Variants in LRBA observed in about 807,000 individuals in gnomAD.
LRBA encodes lipopolysaccharide-responsive and beige-like anchor protein.
A neutral mutation model predicts 330.0 loss-of-function variants in LRBA; 176 were observed. The ratio of observed to expected loss-of-function variants is 0.53; its 90% CI spans 0.47 to 0.60. The LOEUF (loss-of-function observed/expected upper bound fraction) is 0.60, where lower values mean the gene tolerates loss of function less well. LRBA is among the 20% of genes least tolerant of loss of function. The pLI is 0.00. For missense variants in LRBA, 3,259 were observed against 3,444.8 expected (o/e 0.95, Z 1.35); for synonymous variants, 1,230 against 1,193.0 (o/e 1.03, Z -0.64).
chr4:150,594,668 T>C (rs996337500), intron 38 of LRBA, among the ~76,000 whole-genome samples: 7 of 152,094 alleles, frequency 4.6e-5, no homozygotes, highest in Non-Finnish European at 8.8e-5. Flanking sequence ...CCTAACTTAA[T>C]ACTTAAACTG....
chr4:150,991,712 G>A (rs564324416), intron 2 of LRBA, among the ~76,000 whole-genome samples: 1 of 152,102 alleles, frequency 6.6e-6, no homozygotes, highest in East Asian at 1.9e-4. Context: ...TGAGGTGGGG[G>A]AAATATCTCA....
chr4:150,325,004 C>A (rs1217632589), intron 49 of LRBA, among the ~76,000 whole-genome samples: 1 of 152,038 alleles, frequency 6.6e-6, no homozygotes, highest in Non-Finnish European at 1.5e-5. Context: ...TATTTCCGTA[C>A]CCATGATTCT....
At position 150,852,447 on chromosome 4, in the gene LRBA, T is replaced by C. The variant is rs1387505849; in HGVS notation, c.3263A>G (p.Glu1088Gly). The change falls in exon 23 of 57, where the codon GAG becomes GGG. Residue 1088 changes from glutamate to glycine, a missense_variant. Transcript: ENST00000651943. ...GAATTCTGGCATCTCTGAGGCATCCTCTTCTGAAGGAGAACTTATAGAAGC... is the reference window on the plus strand; with the variant it reads ...GAATTCTGGCATCTCTGAGGCATCCCCTTCTGAAGGAGAACTTATAGAAGC... ...VTASISSPSE[E>G]DASEMPEFLD... The C allele has an allele frequency of 5.0e-6, 8 of 1,613,476 alleles. No homozygotes were observed. In the Admixed American group the frequency reaches 1.2e-4, roughly 24 times the overall value.
chr4:151,005,720 T>G (rs1360685416), intron 2 of LRBA, among the ~76,000 whole-genome samples: 1 of 148,072 alleles, frequency 6.8e-6, no homozygotes, highest in Non-Finnish European at 1.5e-5. Context: ...TTCTCCTACC[T>G]CAGCCTCCCT....
chr4:150,410,644 A>T (rs1218021888), intron 47 of LRBA, among the ~76,000 whole-genome samples: 1 of 152,182 alleles, frequency 6.6e-6, no homozygotes, highest in Non-Finnish European at 1.5e-5. Flanking sequence ...TCAACAAGGT[A>T]TCAAAGAGAA....
intron 34 of LRBA, among the ~76,000 whole-genome samples, chr4:150,771,325 G>A (rs9884732): frequency 0.087 from 13,232 of 152,084 alleles, 995 homozygotes; most frequent in African/African-American, 0.19. Flanking sequence ...GGAAAACCTT[G>A]TCCCAGCCAT....
chr4:150,328,710 G>A (rs1203832461), intron 48 of LRBA, among the ~76,000 whole-genome samples: 1 of 152,060 alleles, frequency 6.6e-6, no homozygotes, highest in African/African-American at 2.4e-5. Context: ...GTACAAATGA[G>A]GAAGTAATGA....
chr4:150,552,568 C>T (rs544860887), intron 40 of LRBA, among the ~76,000 whole-genome samples: 2 of 152,106 alleles, frequency 1.3e-5, no homozygotes. Flanking sequence ...ACTAGTTCAA[C>T]CACTGTGGAA....
intron 31 of LRBA, among the ~76,000 whole-genome samples, chr4:150,816,229 C>G (rs1359240586): frequency 6.6e-6 from 1 of 151,940 alleles, no homozygotes; most frequent in Non-Finnish European, 1.5e-5. Context: ...ATATAATCCA[C>G]CAGGCCATTC....
intron 55 of LRBA, among the ~76,000 whole-genome samples, chr4:150,279,785 T>C (rs1233016970): frequency 2.6e-5 from 4 of 152,208 alleles, no homozygotes; most frequent in Non-Finnish European, 5.9e-5. Flanking sequence ...AAAATCAGTA[T>C]CCTTTTCCCC....
chr4:150,737,983 CTTTTTTTTTTT>C (rs774453122), intron 35 of LRBA, among the ~76,000 whole-genome samples: 5 of 112,170 alleles, frequency 4.5e-5, no homozygotes, highest in Middle Eastern at 4.1e-3. Context: ...TTCTCTGAAT[CTTTTTTTTTTT>C]TTTTTTTTTT....
chr4:150,559,839 T>TATATATAATAATATATAATTATATATA (rs1190490967), intron 40 of LRBA, among the ~76,000 whole-genome samples: 1 of 25,480 alleles, frequency 3.9e-5, no homozygotes, highest in African/African-American at 1.1e-4. Context: ...TAAAATATAA[T>TATATATAATAATATATAATTATATATA]ATATATAATA....
chr4:150,721,174 T>TA (rs1233929316), intron 36 of LRBA: 2 of 571,526 alleles, frequency 3.5e-6, no homozygotes, highest in Non-Finnish European at 6.8e-6. Flanking sequence ...GGTTACATGA[T>TA]AGATACCAGG....
rs1731571974 is a variant in LRBA at position 150,908,317 on chromosome 4, CAAAT to C, written c.1493+13_1493+16del. The C allele has an allele frequency of 1.9e-6, 3 of 1,600,428 alleles. No homozygotes were observed. Among genetic ancestry groups the C allele is most frequent in the Non-Finnish European group, 2.5e-6 (3 of 1,176,910 alleles). On this transcript the variant is annotated intron_variant, in intron 11 of 56. Coordinates refer to ENST00000651943, the MANE Select transcript of LRBA (RefSeq NM_001364905.1). ...TAACCCTCACAGCCAATTAAAGAAA[CAAAT>C]AAAGGCACTCACCATATAGTCAAAT...
chr4:150,757,177 A>G (rs918532156), intron 35 of LRBA, among the ~76,000 whole-genome samples: 3 of 152,176 alleles, frequency 2.0e-5, no homozygotes, highest in Non-Finnish European at 2.9e-5. Context: ...TACATGAAAA[A>G]TACCAATAAT....
chr4:150,519,014 A>T (rs1288162147), intron 40 of LRBA, among the ~76,000 whole-genome samples: 3 of 152,136 alleles, frequency 2.0e-5, no homozygotes, highest in African/African-American at 7.2e-5. Context: ...GTTGATACAA[A>T]TATAGTCCTT....
At chr4:150,473,570 C>T (rs1253142060) in intron 42 of LRBA, among the ~76,000 whole-genome samples, 1 of 152,150 alleles carries the variant, frequency 6.6e-6, no homozygotes, top group Non-Finnish European at 1.5e-5. Flanking sequence ...CTCTTCTGCT[C>T]AAGCTGGGAA....
chr4:150,384,713 T>C (rs1206471330), intron 47 of LRBA, among the ~76,000 whole-genome samples: 2 of 152,092 alleles, frequency 1.3e-5, no homozygotes, highest in Non-Finnish European at 2.9e-5. Context: ...AGAAAAAGAA[T>C]TCACAATTTG....
At chr4:150,421,887 A>AG (rs1253036131) in intron 46 of LRBA, among the ~76,000 whole-genome samples, 2 of 151,746 alleles carry the variant, frequency 1.3e-5, no homozygotes, top group Non-Finnish European at 2.9e-5. Context: ...CAGGGAAATA[A>AG]GGGGGAAAAA....
Sources: gnomAD v4.1 joint callset for allele counts (sites outside exome capture counted in the v4.1 genomes callset) on GRCh38, gnomAD v4.1.1 for gene constraint, MANE v1.5 for transcripts, NCBI Gene and HGNC (gene_info 2026-07-23, HGNC 2026-07-21) for gene names.